The following PTPRJ variants were observed in gnomAD, a reference collection of about 807,000 sequenced individuals.
PTPRJ encodes receptor-type tyrosine-protein phosphatase eta.
In PTPRJ, 129 loss-of-function variants were observed where a neutral mutation model predicts 141.3. That is an observed-to-expected ratio of 0.91 (90% CI 0.79 to 1.06). The LOEUF (loss-of-function observed/expected upper bound fraction) is 1.06. PTPRJ is among the 50% of genes least tolerant of loss of function. The probability of loss-of-function intolerance (pLI) is 0.00; values close to 1 mark genes in which losing one functional copy is unlikely to be tolerated. For synonymous variants in PTPRJ, 610 were observed against 640.5 expected (o/e 0.95, Z 0.72); for missense variants, 1,601 against 1,679.7 (o/e 0.95, Z 0.82).
chr11:47,998,630 G>C (rs959205320), intron 1 of PTPRJ, among the ~76,000 whole-genome samples: 1 of 152,214 alleles, frequency 6.6e-6, no homozygotes, highest in Non-Finnish European at 1.5e-5. Flanking sequence ...AGAGGATTGT[G>C]ATCAAGATTC....
chr11:48,112,945 G>T lies in PTPRJ; in HGVS notation c.314G>T (p.Gly105Val). ...AGAACACCTGAACAAGGATCTAATG[G>T]GACTGATGGGGCATCTCAAAAAACT... The part of the protein sequence containing the change: ...SLRTPEQGSN[G>V]TDGASQKTPS... Residue 105 changes from glycine (G) to valine (V), a missense_variant, in exon 3 of 25, where the codon GGG becomes GTG. Transcript: ENST00000418331. 6.2e-7 allele frequency: 1 copy of T among 1,614,100 alleles called. No homozygotes were observed.
At chr11:48,074,832 G>A (rs1449286658) in intron 1 of PTPRJ, among the ~76,000 whole-genome samples, 1 of 152,164 alleles carries the variant, frequency 6.6e-6, no homozygotes, top group Non-Finnish European at 1.5e-5. Context: ...AATAATTAAT[G>A]AGAATATGAG....
At chr11:48,092,696 C>T (rs1855903194) in intron 1 of PTPRJ, among the ~76,000 whole-genome samples, 1 of 152,168 alleles carries the variant, frequency 6.6e-6, no homozygotes, top group Non-Finnish European at 1.5e-5. Context: ...TCCCAAAGTG[C>T]TGGGATTACA....
At chr11:48,008,730 A>G (rs895871649) in intron 1 of PTPRJ, among the ~76,000 whole-genome samples, 1 of 151,592 alleles carries the variant, frequency 6.6e-6, no homozygotes, top group Admixed American at 6.6e-5. Context: ...ACGCCCGGCT[A>G]ATTTTTGTAT....
intron 21 of PTPRJ, among the ~76,000 whole-genome samples, chr11:48,156,464 C>T (rs976682570): frequency 6.6e-6 from 1 of 152,038 alleles, no homozygotes; most frequent in African/African-American, 2.4e-5. Context: ...ACGGACAAGC[C>T]CATCATGTCT....
At chr11:48,090,913 G>T (rs984300842) in intron 1 of PTPRJ, among the ~76,000 whole-genome samples, 1 of 152,116 alleles carries the variant, frequency 6.6e-6, no homozygotes, top group Non-Finnish European at 1.5e-5. Context: ...ATGATGTCAA[G>T]CACTGTGGGA....
chr11:48,132,406 A>T, intron 8 of PTPRJ: 1 of 980,620 alleles, frequency 1.0e-6, no homozygotes, highest in Non-Finnish European at 1.2e-6. Flanking sequence ...AAATTATTAA[A>T]TTATTTCTAG....
chr11:47,995,261 A>G (rs1854303501), intron 1 of PTPRJ, among the ~76,000 whole-genome samples: 1 of 152,228 alleles, frequency 6.6e-6, no homozygotes. Flanking sequence ...ATTTATCATC[A>G]ACTGTTGTGA....
In PTPRJ at chr11:47,980,654, GC is replaced by G. The variant is rs1378345614; in HGVS notation, c.-255del. 5.1e-6 allele frequency: 5 copies of G among 984,992 alleles called. No homozygotes were observed. In the Admixed American group the frequency reaches 3.1e-4, roughly 61 times the overall value. The allele number at this position is 984,992 out of a possible 1,614,324, so 61.0% of individuals were successfully genotyped here. A position where few individuals can be genotyped will look rare whatever the true frequency, so the allele number is the denominator to read the frequency against. On this transcript the variant is annotated 5_prime_UTR_variant, in exon 1 of 25. Transcript: ENST00000418331. ...GCTGGGGGTGGGCGCCGCTCGCTCCGCCCCGCGAAGCCCCTGCGCGCTCAGG... is the reference window on the plus strand; with the variant it reads ...GCTGGGGGTGGGCGCCGCTCGCTCCGCCCGCGAAGCCCCTGCGCGCTCAGG...
intron 1 of PTPRJ, among the ~76,000 whole-genome samples, chr11:48,058,153 C>A (rs1421223341): frequency 1.3e-5 from 2 of 152,094 alleles, no homozygotes. Flanking sequence ...CTCAAGTGAC[C>A]CACCTGCCTC....
Position 48,123,909 on chromosome 11 carries a change from T to A in PTPRJ, c.874+39T>A, listed in dbSNP as rs1856772582. Reference sequence around the variant, plus strand: ...GGTACCTTCCGTCTCCCTTACTGGTTCTTACTTTCAGTAACTAAATGTTCT... The same window carrying A: ...GGTACCTTCCGTCTCCCTTACTGGTACTTACTTTCAGTAACTAAATGTTCT... On this transcript the variant is annotated intron_variant, in intron 5 of 24. Coordinates refer to ENST00000418331, the MANE Select transcript of PTPRJ (RefSeq NM_002843.4). 1.5e-5 allele frequency: 23 copies of A among 1,571,162 alleles called. 1 individual carries two copies. The East Asian group carries it at 5.2e-4, about 35-fold the overall frequency.
intron 3 of PTPRJ, among the ~76,000 whole-genome samples, chr11:48,115,033 G>A (rs1047264280): frequency 6.6e-6 from 1 of 152,144 alleles, no homozygotes; most frequent in Admixed American, 6.6e-5. Flanking sequence ...TGGATAAAAA[G>A]GAATGAAGAA....
chr11:48,009,241 C>A (rs1021101997), intron 1 of PTPRJ, among the ~76,000 whole-genome samples: 9 of 152,178 alleles, frequency 5.9e-5, no homozygotes, highest in African/African-American at 1.9e-4. Flanking sequence ...CATGATATGG[C>A]AGGATGTTTA....
intron 1 of PTPRJ, among the ~76,000 whole-genome samples, chr11:47,999,925 C>T (rs1361366568): frequency 4.9e-5 from 7 of 143,744 alleles, no homozygotes; most frequent in East Asian, 2.0e-4. Context: ...GGTGCGATCT[C>T]GGCTCACTGC....
chr11:48,084,636 T>C (rs917431439), intron 1 of PTPRJ, among the ~76,000 whole-genome samples: 15 of 152,200 alleles, frequency 9.9e-5, no homozygotes, highest in African/African-American at 3.6e-4. Context: ...TGAGCTCTGA[T>C]TGGCTGAAGC....
At chr11:48,070,724 T>C (rs1237717817) in intron 1 of PTPRJ, among the ~76,000 whole-genome samples, 5 of 152,362 alleles carry the variant, frequency 3.3e-5, no homozygotes, top group South Asian at 4.1e-4. Context: ...CTTTTGTTTT[T>C]GCTCCTGCTG....
chr11:47,983,195 T>C (rs1039806085), intron 1 of PTPRJ, among the ~76,000 whole-genome samples: 12 of 152,230 alleles, frequency 7.9e-5, no homozygotes, highest in African/African-American at 2.9e-4. Flanking sequence ...ATTTTTTTTT[T>C]TCCCGTGTTT....
chr11:48,113,184 C>T (rs1184524453), intron 3 of PTPRJ, among the ~76,000 whole-genome samples: 2 of 152,106 alleles, frequency 1.3e-5, no homozygotes, highest in South Asian at 2.1e-4. Flanking sequence ...CTGGAGATAA[C>T]CATTGATCAC....
At chr11:48,145,287 T>A (rs1304208850) in intron 14 of PTPRJ, among the ~76,000 whole-genome samples, 163 bp downstream of exon 14, 1 of 152,160 alleles carries the variant, frequency 6.6e-6, no homozygotes, top group Non-Finnish European at 1.5e-5. Flanking sequence ...CCGGGCTTAC[T>A]GGGCTTCCTC....
Sources: gnomAD v4.1 joint callset for allele counts (sites outside exome capture counted in the v4.1 genomes callset) on GRCh38, gnomAD v4.1.1 for gene constraint, MANE v1.5 for transcripts, NCBI Gene and HGNC (gene_info 2026-07-23, HGNC 2026-07-21) for gene names.